The following SLC39A9 variants were observed in gnomAD, a reference collection of about 807,000 sequenced individuals.
SLC39A9 encodes solute carrier family 39 member 9.
A neutral mutation model predicts 28.4 loss-of-function variants in SLC39A9; 14 were observed. That is an observed-to-expected ratio of 0.49 (90% CI 0.33 to 0.77). The LOEUF (loss-of-function observed/expected upper bound fraction) is 0.77, where lower values mean the gene tolerates loss of function less well. SLC39A9 is among the 30% of genes least tolerant of loss of function. The pLI is 0.02. For synonymous variants in SLC39A9, 119 were observed against 149.6 expected, an observed-to-expected ratio of 0.80 and a Z score of 1.49; for missense variants, 283 against 381.1, an observed-to-expected ratio of 0.74 and a Z score of 2.14.
At chr14:69,449,450 C>T (rs1016566209) in intron 3 of SLC39A9, among the ~76,000 whole-genome samples, 8 of 152,114 alleles carry the variant, frequency 5.3e-5, no homozygotes, top group South Asian at 2.1e-4. Context: ...CAAAGCGAGA[C>T]GCCGTCTCTA....
rs181130506 is a variant in SLC39A9, at chr14:69,404,947, A to G, written c.96+5482A>G. On this transcript the variant is annotated intron_variant, in intron 1 of 6. Transcript: ENST00000336643. The stretch of plus-strand genomic sequence containing the variant: ...GTTTGATTGACTCACAATTCAGCAT[A>G]GCTGGGGAGGCCTAAGGAAACTTAC... 2.6e-5 allele frequency among the ~76,000 whole-genome samples: 4 copies of G among 152,326 alleles called. No homozygotes were observed. In the East Asian group the frequency reaches 7.7e-4, roughly 29 times the overall value.
rs150450533 is a variant in SLC39A9, at chr14:69,414,687, G to C, written c.97-9407G>C. Among the ~76,000 whole-genome samples the C allele has an allele frequency of 9.7e-4, 147 of 152,266 alleles. 2 individuals carry two copies. The East Asian group carries it at 0.024, about 24-fold the overall frequency. On this transcript the variant is annotated intron_variant, in intron 1 of 6. Coordinates refer to ENST00000336643, the MANE Select transcript of SLC39A9 (RefSeq NM_018375.5). ...GGTACAGATCTTAATATAGGTTGAT[G>C]AATTTTAGCAAATGTTTACAAATGT...
In SLC39A9 at chr14:69,459,702, T is replaced by C. The variant is rs899291389; in HGVS notation, c.*1109T>C. 4.1e-6 allele frequency: 4 copies of C among 985,092 alleles called. No individual in the cohort carries two copies. The African/African-American group carries it at 7.0e-5, about 17-fold the overall frequency. The allele number at this position is 985,092 out of a possible 1,614,324, so 61.0% of individuals were successfully genotyped here. A position where few individuals can be genotyped will look rare whatever the true frequency, so the allele number is the denominator to read the frequency against. On this transcript the variant is annotated 3_prime_UTR_variant, in exon 7 of 7. Transcript: ENST00000336643. ...TAAATGAGAAGTGTTTGCCTATTGATTTAAAGCTTATTGGAATCATGTCTC... is the reference window on the plus strand; with the variant it reads ...TAAATGAGAAGTGTTTGCCTATTGACTTAAAGCTTATTGGAATCATGTCTC...
intron 1 of SLC39A9, among the ~76,000 whole-genome samples, chr14:69,418,644 T>C (rs1344809599): frequency 1.3e-5 from 2 of 151,702 alleles, no homozygotes; most frequent in African/African-American, 4.8e-5. Flanking sequence ...TCCTGGACGT[T>C]TTTTGGTTGG....
intron 1 of SLC39A9, among the ~76,000 whole-genome samples, chr14:69,406,854 T>G (rs1001513452): frequency 3.7e-5 from 5 of 136,326 alleles, no homozygotes; most frequent in Admixed American, 7.1e-5. Context: ...CTTTGTTTTT[T>G]TTTTTTTTTT....
chr14:69,421,965 TGA>T (rs1485685838), intron 1 of SLC39A9, among the ~76,000 whole-genome samples: 1 of 152,286 alleles, frequency 6.6e-6, no homozygotes, highest in East Asian at 1.9e-4. Flanking sequence ...CTTCCCTGGG[TGA>T]GGTGTCACCC....
chr14:69,422,488 A>C (rs962302387), intron 1 of SLC39A9, among the ~76,000 whole-genome samples: 1 of 152,158 alleles, frequency 6.6e-6, no homozygotes, highest in Non-Finnish European at 1.5e-5. Flanking sequence ...ATAGCACACT[A>C]TAGCCTTGAA....
intron 2 of SLC39A9, among the ~76,000 whole-genome samples, chr14:69,438,168 C>T (rs1019238299): frequency 1.3e-5 from 2 of 151,724 alleles, no homozygotes; most frequent in African/African-American, 2.4e-5. Context: ...ATTACAGGCA[C>T]CTGCCACTAG....
intron 2 of SLC39A9, among the ~76,000 whole-genome samples, chr14:69,431,213 TC>T (rs1884474448): frequency 1.3e-5 from 2 of 152,230 alleles, no homozygotes; most frequent in Admixed American, 6.5e-5. Context: ...CCTAAATATT[TC>T]ATGTTTTTAG....
At chr14:69,422,084 C>T (rs1472798319) in intron 1 of SLC39A9, among the ~76,000 whole-genome samples, 9 of 152,158 alleles carry the variant, frequency 5.9e-5, no homozygotes, top group Non-Finnish European at 8.8e-5. Context: ...CTGTCTTCTG[C>T]GTCGATCACA....
rs889951307 is a variant in SLC39A9, at chr14:69,462,148, G to A, written c.*3555G>A. ...CCAGTGGCTTAACACAAGGAGATTG[G>A]CTTTGATCTTTTTTTCTTGTGGCAT... is the stretch of plus-strand genomic sequence containing the variant. On this transcript the variant is annotated 3_prime_UTR_variant, in exon 7 of 7. Transcript: ENST00000336643. 1 of 155,170 alleles carries A rather than the reference G, an allele frequency of 6.4e-6. No individual in the cohort carries two copies. Among genetic ancestry groups the A allele is most frequent in the African/African-American group, 2.4e-5 (1 of 41,560 alleles). 9.6% of individuals were successfully genotyped at this position (155,170 alleles called of 1,614,324 possible).
intron 1 of SLC39A9, among the ~76,000 whole-genome samples, chr14:69,411,252 G>GTCT (rs1883248098): frequency 6.7e-6 from 1 of 149,320 alleles, no homozygotes; most frequent in Non-Finnish European, 1.5e-5. Context: ...TTGTTGGCTT[G>GTCT]TCTTTAGGTG....
intron 1 of SLC39A9, among the ~76,000 whole-genome samples, chr14:69,418,904 A>G (rs974821193): frequency 1.4e-4 from 21 of 151,552 alleles, no homozygotes; most frequent in Admixed American, 1.1e-3. Flanking sequence ...TCTCTTCTTT[A>G]TTAGTCTTGC....
At chr14:69,448,015 C>A (rs1295422940) in intron 3 of SLC39A9, among the ~76,000 whole-genome samples, 1 of 151,284 alleles carries the variant, frequency 6.6e-6, no homozygotes, top group Non-Finnish European at 1.5e-5. Flanking sequence ...GAGATCGAGA[C>A]CATCCTGGCT....
At chr14:69,446,968 C>G (rs202198396) in intron 3 of SLC39A9, among the ~76,000 whole-genome samples, 1 of 121,868 alleles carries the variant, frequency 8.2e-6, no homozygotes, top group Non-Finnish European at 1.8e-5. Flanking sequence ...AGAGAGAGAG[C>G]GAGAGAGAGA....
At chr14:69,415,401 G>T (rs1427605265) in intron 1 of SLC39A9, among the ~76,000 whole-genome samples, 2 of 152,094 alleles carry the variant, frequency 1.3e-5, no homozygotes, top group Non-Finnish European at 2.9e-5. Context: ...CCTTTTCATG[G>T]GCTTATTAGC....
At chr14:69,400,571 C>T (rs765477743) in intron 1 of SLC39A9, among the ~76,000 whole-genome samples, 15 of 152,172 alleles carry the variant, frequency 9.9e-5, no homozygotes, top group Non-Finnish European at 1.8e-4. Flanking sequence ...CAGTGCCATT[C>T]CTGAAAGTAC....
At chr14:69,409,167 C>T (rs1303054433) in intron 1 of SLC39A9, among the ~76,000 whole-genome samples, 1 of 152,090 alleles carries the variant, frequency 6.6e-6, no homozygotes, top group African/African-American at 2.4e-5. Context: ...ATCTATTATC[C>T]AACTGTTCAA....
chr14:69,434,234 C>G (rs1425288605), intron 2 of SLC39A9, among the ~76,000 whole-genome samples: 1 of 151,598 alleles, frequency 6.6e-6, no homozygotes, highest in Admixed American at 6.6e-5. Flanking sequence ...CAGGCGCCCA[C>G]CACCGCGTCC....
Sources: gnomAD v4.1 joint callset for allele counts (sites outside exome capture counted in the v4.1 genomes callset) on GRCh38, gnomAD v4.1.1 for gene constraint, MANE v1.5 for transcripts, NCBI Gene and HGNC (gene_info 2026-07-23, HGNC 2026-07-21) for gene names.